ST6GALNAC5: variants seen among roughly 807,000 people sequenced by gnomAD.
ST6GALNAC5 encodes the protein alpha-N-acetylgalactosaminide alpha-2,6-sialyltransferase 5.
A neutral mutation model predicts 33.6 loss-of-function variants in ST6GALNAC5; 27 were observed. That is an observed-to-expected ratio of 0.80 (90% CI 0.59 to 1.11). The LOEUF (loss-of-function observed/expected upper bound fraction) is 1.11, where lower values mean the gene tolerates loss of function less well. Among genes scored for constraint, ST6GALNAC5 ranks in the 50% least tolerant of loss-of-function variants. ST6GALNAC5 has a pLI of 0.00. For missense variants in ST6GALNAC5, 428 were observed against 454.0 expected, an observed-to-expected ratio of 0.94 and a Z score of 0.52; for synonymous variants, 194 against 171.2, an observed-to-expected ratio of 1.13 and a Z score of -1.04.
chr1:77,057,837 T>C (rs560741756), intron 4 of ST6GALNAC5, among the ~76,000 whole-genome samples: 2 of 152,298 alleles, frequency 1.3e-5, no homozygotes, highest in East Asian at 1.9e-4. Flanking sequence ...TGTCTTCCCT[T>C]GCTTGTTAGG....
chr1:76,979,756 G>A lies in ST6GALNAC5; in HGVS notation c.262-64448G>A, dbSNP rs145425789. ...AGCCTGGCCAACATGGCAAAACCCC[G>A]TCTCTACTGAAAATACAAAAATTAT... On this transcript the variant is annotated intron_variant, in intron 2 of 4. Coordinates refer to ENST00000477717, the MANE Select transcript of ST6GALNAC5 (RefSeq NM_030965.3). 2.9e-3 allele frequency among the ~76,000 whole-genome samples: 436 copies of A among 152,200 alleles called. 3 individuals carry two copies. Among genetic ancestry groups the A allele is most frequent in the African/African-American group, 9.7e-3 (403 of 41,544 alleles).
At position 76,990,265 on chromosome 1, in the gene ST6GALNAC5, C is replaced by A. The variant is rs898564862; in HGVS notation, c.262-53939C>A. Among the ~76,000 whole-genome samples, 4 of 152,184 alleles carry A rather than the reference C, an allele frequency of 2.6e-5. No homozygotes were observed. In the East Asian group the frequency reaches 5.8e-4, roughly 22 times the overall value. On this transcript the variant is annotated intron_variant, in intron 2 of 4. Transcript: ENST00000477717. ...TTTTTTCCTTCTAATGCCTTAGTTT[C>A]TTTATACAGTGGCCAAAAATAGTAC...
chr1:77,012,378 T>C (rs893360429), intron 2 of ST6GALNAC5, among the ~76,000 whole-genome samples: 1 of 152,190 alleles, frequency 6.6e-6, no homozygotes, highest in Admixed American at 6.5e-5. Context: ...TCCAGGTTAC[T>C]CCTTGCTCCG....
At chr1:76,907,828 C>T (rs1646878396) in intron 2 of ST6GALNAC5, among the ~76,000 whole-genome samples, 1 of 152,112 alleles carries the variant, frequency 6.6e-6, no homozygotes, top group Non-Finnish European at 1.5e-5. Context: ...CCTTAGCTCA[C>T]TTTGGTTTTA....
At position 76,926,003 on chromosome 1, in the gene ST6GALNAC5, G is replaced by A. The variant is rs180899497; in HGVS notation, c.261+57261G>A. On this transcript the variant is annotated intron_variant, in intron 2 of 4. Coordinates refer to ENST00000477717, the MANE Select transcript of ST6GALNAC5 (RefSeq NM_030965.3). ...TGGTTACAGAAACCTGGCCAAGTTCGCAGAACTCTGACAGCTCCGTGCCTC... is the reference window on the plus strand; with the variant it reads ...TGGTTACAGAAACCTGGCCAAGTTCACAGAACTCTGACAGCTCCGTGCCTC... 3.8e-4 allele frequency among the ~76,000 whole-genome samples: 58 copies of A among 152,188 alleles called. No individual in the cohort carries two copies. In the East Asian group the frequency reaches 5.0e-3, roughly 13 times the overall value.
At chr1:76,873,465 T>A (rs989810545) in intron 2 of ST6GALNAC5, among the ~76,000 whole-genome samples, 1 of 152,158 alleles carries the variant, frequency 6.6e-6, no homozygotes, top group Non-Finnish European at 1.5e-5. Context: ...TACAACAATA[T>A]CTAAAATTTA....
intron 2 of ST6GALNAC5, among the ~76,000 whole-genome samples, chr1:76,989,398 T>C (rs1649635331): frequency 6.6e-6 from 1 of 152,144 alleles, no homozygotes; most frequent in Admixed American, 6.5e-5. Flanking sequence ...ATATATCATC[T>C]TTCATCCAGG....
chr1:76,916,518 A>C lies in ST6GALNAC5; in HGVS notation c.261+47776A>C, dbSNP rs189350181. On this transcript the variant is annotated intron_variant, in intron 2 of 4. Transcript: ENST00000477717. Reference sequence around the variant, plus strand: ...TAAATTTTACTTTATTTTTTGATGTAGGAATGTTTCTTTAAACATCAAGAT... The same window carrying C: ...TAAATTTTACTTTATTTTTTGATGTCGGAATGTTTCTTTAAACATCAAGAT... Among the ~76,000 whole-genome samples, 5 of 152,266 alleles carry C rather than the reference A, an allele frequency of 3.3e-5. No individual in the cohort carries two copies. The East Asian group carries it at 9.6e-4, about 29-fold the overall frequency.
intron 2 of ST6GALNAC5, among the ~76,000 whole-genome samples, chr1:76,894,984 G>T (rs955594490): frequency 6.6e-6 from 1 of 152,096 alleles, no homozygotes; most frequent in Admixed American, 6.6e-5. Flanking sequence ...TCAAAGGGGG[G>T]TTATTCTCTG....
chr1:76,988,087 C>CT (rs1484495932), intron 2 of ST6GALNAC5, among the ~76,000 whole-genome samples: 3 of 151,844 alleles, frequency 2.0e-5, no homozygotes, highest in Non-Finnish European at 4.4e-5. Context: ...TTTTCTTTGT[C>CT]TTTGACAGAT....
chr1:76,968,154 G>A (rs377635824), intron 2 of ST6GALNAC5, among the ~76,000 whole-genome samples: 21 of 152,242 alleles, frequency 1.4e-4, no homozygotes, highest in African/African-American at 2.6e-4. Context: ...CTTCTGTCTC[G>A]TTGATCTGTC....
intron 2 of ST6GALNAC5, among the ~76,000 whole-genome samples, chr1:77,010,405 G>A (rs76674383): frequency 0.073 from 11,095 of 152,212 alleles, 822 homozygotes; most frequent in African/African-American, 0.19. Flanking sequence ...TGAGGCAGGA[G>A]AATTGCTTGA....
At chr1:76,974,718 T>C (rs1648926536) in intron 2 of ST6GALNAC5, among the ~76,000 whole-genome samples, 1 of 149,398 alleles carries the variant, frequency 6.7e-6, no homozygotes, top group Admixed American at 6.7e-5. Flanking sequence ...AAGATAACAG[T>C]CTTATAATTT....
At chr1:76,884,240 T>C (rs1653845179) in intron 2 of ST6GALNAC5, among the ~76,000 whole-genome samples, 1 of 152,170 alleles carries the variant, frequency 6.6e-6, no homozygotes, top group Non-Finnish European at 1.5e-5. Flanking sequence ...ACAGAAGGTT[T>C]GTGGTTCAAG....
At chr1:77,015,791 G>C (rs757279581) in intron 2 of ST6GALNAC5, among the ~76,000 whole-genome samples, 1 of 151,924 alleles carries the variant, frequency 6.6e-6, no homozygotes, top group Non-Finnish European at 1.5e-5. Flanking sequence ...TCAGGCAGAG[G>C]GAACAGCATA....
chr1:76,971,171 T>C (rs1283072286), intron 2 of ST6GALNAC5, among the ~76,000 whole-genome samples: 1 of 152,222 alleles, frequency 6.6e-6, no homozygotes, highest in East Asian at 1.9e-4. Context: ...GAGTAAGGAA[T>C]TTCTCTCCTG....
At chr1:77,002,368 G>T (rs1398291711) in intron 2 of ST6GALNAC5, among the ~76,000 whole-genome samples, 1 of 152,074 alleles carries the variant, frequency 6.6e-6, no homozygotes, top group Non-Finnish European at 1.5e-5. Flanking sequence ...GTGTCTATTT[G>T]ATTCTTCTCT....
chr1:77,002,367 T>C (rs1421100051), intron 2 of ST6GALNAC5, among the ~76,000 whole-genome samples: 3 of 152,184 alleles, frequency 2.0e-5, no homozygotes, highest in Non-Finnish European at 4.4e-5. Flanking sequence ...TGTGTCTATT[T>C]GATTCTTCTC....
intron 2 of ST6GALNAC5, among the ~76,000 whole-genome samples, chr1:76,910,133 A>G (rs949089463): frequency 1.3e-5 from 2 of 151,910 alleles, no homozygotes; most frequent in Non-Finnish European, 2.9e-5. Flanking sequence ...GTTTGGCTGG[A>G]TTGTTTGCTG....
Sources: gnomAD v4.1 joint callset for allele counts (sites outside exome capture counted in the v4.1 genomes callset) on GRCh38, gnomAD v4.1.1 for gene constraint, MANE v1.5 for transcripts, NCBI Gene and HGNC (gene_info 2026-07-23, HGNC 2026-07-21) for gene names.